The following ZDHHC11B variants were observed in gnomAD, a reference collection of about 807,000 sequenced individuals.
ZDHHC11B encodes probable palmitoyltransferase ZDHHC11B.
Under a neutral mutation model 42.3 loss-of-function variants are expected in ZDHHC11B, and 17 were observed. The observed-to-expected ratio is 0.40, with a 90% CI of 0.27 to 0.60. The LOEUF is 0.60. ZDHHC11B is among the 20% of genes least tolerant of loss of function. The pLI, the probability that ZDHHC11B is intolerant of heterozygous loss-of-function variation, is 0.41. For synonymous variants in ZDHHC11B, 123 were observed against 193.5 expected, an observed-to-expected ratio of 0.64 and a Z score of 3.02; for missense variants, 262 against 463.2, an observed-to-expected ratio of 0.57 and a Z score of 3.99.
intron 3 of ZDHHC11B, 31 bp from the exon 4 acceptor site, chr5:766,950 C>T (rs1456998214): frequency 6.2e-7 from 1 of 1,604,056 alleles, no homozygotes; most frequent in African/African-American, 1.3e-5. Flanking sequence ...GGACCTGCGC[C>T]ATCAGCTCCG....
chr5:778,203 C>T (rs1289948230), intron 1 of ZDHHC11B, among the ~76,000 whole-genome samples: 1 of 151,758 alleles, frequency 6.6e-6, no homozygotes, highest in Admixed American at 6.6e-5. Flanking sequence ...AACACCATTT[C>T]TCTAAAGCAC....
intron 1 of ZDHHC11B, among the ~76,000 whole-genome samples, chr5:774,831 G>A (rs1286063119): frequency 2.0e-5 from 3 of 151,980 alleles, no homozygotes; most frequent in East Asian, 3.9e-4. Context: ...TCTCACTAGG[G>A]CCAGCTGCTG....
chr5:754,559 C>T (rs1746329901), intron 6 of ZDHHC11B, among the ~76,000 whole-genome samples: 1 of 129,598 alleles, frequency 7.7e-6, no homozygotes, highest in African/African-American at 2.6e-5. Flanking sequence ...CCACCGTGCT[C>T]AGGGGAAACA....
At chr5:757,971 G>T (rs1025770908) in intron 4 of ZDHHC11B, among the ~76,000 whole-genome samples, 1 of 151,846 alleles carries the variant, frequency 6.6e-6, no homozygotes, top group Admixed American at 6.6e-5. Context: ...CACCGGACTT[G>T]GGAGTGGACT....
chr5:737,084 A>C lies in ZDHHC11B; in HGVS notation c.936-3245T>G, dbSNP rs144123637. Among the ~76,000 whole-genome samples, 29 of 149,594 alleles carry C rather than the reference A, an allele frequency of 1.9e-4. 1 individual carries two copies. Among genetic ancestry groups the C allele is most frequent in the African/African-American group, 6.9e-4 (28 of 40,460 alleles). On this transcript the variant is annotated intron_variant, in intron 10 of 13. Coordinates refer to ENST00000508859, the MANE Select transcript of ZDHHC11B (RefSeq NM_001351303.2). ...ATTGACCATTAGCAACATTAAGCAA[A>C]AAAAGAAAAGATCCAAATAAGCTCA...
At chr5:759,829 C>T (rs1277737565) in intron 4 of ZDHHC11B, among the ~76,000 whole-genome samples, 1 of 151,890 alleles carries the variant, frequency 6.6e-6, no homozygotes, top group Non-Finnish European at 1.5e-5. Context: ...TGGGAGGTCA[C>T]TTCCCAGAGC....
At chr5:733,094 G>T (rs148180803) in intron 11 of ZDHHC11B, among the ~76,000 whole-genome samples, 6,534 of 150,018 alleles carry the variant, frequency 0.044, 36 homozygotes, top group Non-Finnish European at 0.064. Flanking sequence ...ACCACTGGAA[G>T]CTGACCCCAG....
At chr5:782,871 AG>A (rs1374301199) in intron 1 of ZDHHC11B, among the ~76,000 whole-genome samples, 8 of 117,638 alleles carry the variant, frequency 6.8e-5, no homozygotes, top group Non-Finnish European at 1.1e-4. Flanking sequence ...AAATTAGGGT[AG>A]GGGGTCAAAA....
chr5:777,320 G>A (rs1339284832), intron 1 of ZDHHC11B, among the ~76,000 whole-genome samples: 1 of 151,794 alleles, frequency 6.6e-6, no homozygotes, highest in African/African-American at 2.4e-5. Context: ...GACCTCAGTG[G>A]TGAGTGTTAC....
intron 2 of ZDHHC11B, 114 bp from the exon 3 acceptor site, chr5:767,638 C>T: frequency 1.4e-5 from 11 of 786,386 alleles, no homozygotes; most frequent in Non-Finnish European, 2.1e-5. Flanking sequence ...AGCCAGCACC[C>T]CAGTCTCACC....
At chr5:774,455 C>G (rs1490717801) in intron 1 of ZDHHC11B, among the ~76,000 whole-genome samples, 1 of 150,780 alleles carries the variant, frequency 6.6e-6, no homozygotes, top group African/African-American at 2.4e-5. Flanking sequence ...GACCAGGGGC[C>G]TGTCAGTCAC....
intron 10 of ZDHHC11B, among the ~76,000 whole-genome samples, chr5:736,508 C>T (rs1376886407): frequency 1.3e-5 from 2 of 149,488 alleles, no homozygotes; most frequent in Non-Finnish European, 1.5e-5. Flanking sequence ...CCAACAGCTG[C>T]AGAATGTACA....
intron 12 of ZDHHC11B, among the ~76,000 whole-genome samples, chr5:719,488 T>C (rs559352470): frequency 6.6e-6 from 1 of 151,332 alleles, no homozygotes; most frequent in African/African-American, 2.4e-5. Context: ...ATATATTTTT[T>C]AAAAACCAAA....
Position 777,499 on chromosome 5 carries a change from T to C in ZDHHC11B, c.-230+7169A>G, listed in dbSNP as rs185272312. On this transcript the variant is annotated intron_variant, in intron 1 of 13. Transcript: ENST00000508859. ...CAGACTGAGCGGCAAGATTTATTGCTAAGAGCAAAAGAACAAACTTTCCAC... is the reference window on the plus strand; with the variant it reads ...CAGACTGAGCGGCAAGATTTATTGCCAAGAGCAAAAGAACAAACTTTCCAC... Among the ~76,000 whole-genome samples the C allele has an allele frequency of 1.9e-3, 283 of 151,930 alleles. 4 individuals are homozygous for C. Among genetic ancestry groups the C allele is most frequent in the Admixed American group, 2.8e-3 (43 of 15,228 alleles).
intron 1 of ZDHHC11B, among the ~76,000 whole-genome samples, chr5:771,687 G>C (rs1355002322): frequency 2.6e-5 from 4 of 151,776 alleles, no homozygotes; most frequent in African/African-American, 7.3e-5. Context: ...TGGACAGGAG[G>C]AGCAGCTGAG....
chr5:748,350 C>T (rs1745102640), intron 8 of ZDHHC11B, 54 bp downstream of exon 8: 2 of 1,024,304 alleles, frequency 2.0e-6, no homozygotes, highest in Non-Finnish European at 2.7e-6. Context: ...GTAAGATGAG[C>T]AGCTCTGACC....
intron 1 of ZDHHC11B, among the ~76,000 whole-genome samples, chr5:769,548 G>C (rs1305354144): frequency 6.6e-6 from 1 of 151,924 alleles, no homozygotes; most frequent in African/African-American, 2.4e-5. Flanking sequence ...ATGCGGGTGA[G>C]AGCGAGGGAA....
chr5:773,447 C>CA (rs1305543749), intron 1 of ZDHHC11B, among the ~76,000 whole-genome samples: 1 of 151,902 alleles, frequency 6.6e-6, no homozygotes, highest in African/African-American at 2.4e-5. Context: ...GGCGTGTACC[C>CA]ACCATCTCCA....
chr5:748,987 A>G (rs1417643914), intron 7 of ZDHHC11B, among the ~76,000 whole-genome samples: 1 of 46,290 alleles, frequency 2.2e-5, no homozygotes, highest in African/African-American at 6.2e-5. Context: ...GGGTCACAGC[A>G]CCCACCCCTT....
Sources: gnomAD v4.1 joint callset for allele counts (sites outside exome capture counted in the v4.1 genomes callset) on GRCh38, gnomAD v4.1.1 for gene constraint, MANE v1.5 for transcripts, NCBI Gene and HGNC (gene_info 2026-07-23, HGNC 2026-07-21) for gene names.